DNAH6: variants seen among roughly 807,000 people sequenced by gnomAD.
The protein encoded by DNAH6 is axonemal beta dynein heavy chain 6.
In DNAH6, 340 loss-of-function variants were observed where a neutral mutation model predicts 491.4. That is an observed-to-expected ratio of 0.69 (90% CI 0.63 to 0.76). The LOEUF (loss-of-function observed/expected upper bound fraction) is 0.76, where lower values mean the gene tolerates loss of function less well. Among genes scored for constraint, DNAH6 ranks in the 30% least tolerant of loss-of-function variants. The pLI is 0.00. For missense variants in DNAH6, 4,443 were observed against 4,972.2 expected (o/e 0.89, Z 3.20); for synonymous variants, 1,603 against 1,686.1 (o/e 0.95, Z 1.21).
At chr2:84,774,075 C>G (rs1675894830) in intron 64 of DNAH6, among the ~76,000 whole-genome samples, 1 of 151,864 alleles carries the variant, frequency 6.6e-6, no homozygotes. Context: ...TAATTTGGTC[C>G]CATATATCAA....
rs533477003 is a variant in DNAH6, at chr2:84,525,623, G to A, written c.284G>A (p.Arg95Gln). 3.8e-5 allele frequency: 59 copies of A among 1,550,320 alleles called. No individual in the cohort carries two copies. The South Asian group carries it at 5.5e-4, about 14-fold the overall frequency. ...CCAGAATACATACATGAACAGAACC[G>A]ATTTCAGTTAATGACTGCAGGAATC... is the stretch of plus-strand genomic sequence containing the variant. ...KQPEYIHEQNRFQLMTAGIIK... is the reference protein window; with the variant it reads ...KQPEYIHEQNQFQLMTAGIIK... The change falls in exon 3 of 77, where the codon CGA becomes CAA. Residue 95 changes from arginine to glutamine, a missense_variant. Physicochemically the swap from Arg to Gln is conservative, Grantham distance 43. Transcript: ENST00000389394.
At chr2:84,487,641 TGA>T in the DNAH6 span, among the ~76,000 whole-genome samples, 1 of 152,238 alleles carries the variant, frequency 6.6e-6, no homozygotes, top group Non-Finnish European at 1.5e-5. Flanking sequence ...GGTTAAATCT[TGA>T]GCAGCCCTTG....
chr2:84,551,773 C>T (rs1679392588), intron 9 of DNAH6, among the ~76,000 whole-genome samples: 2 of 152,148 alleles, frequency 1.3e-5, no homozygotes, highest in African/African-American at 2.4e-5. Flanking sequence ...TTAGGCCAGG[C>T]GTGGTGACTC....
intron 22 of DNAH6, among the ~76,000 whole-genome samples, chr2:84,614,132 G>T (rs1040513255): frequency 7.2e-6 from 1 of 139,560 alleles, no homozygotes; most frequent in Non-Finnish European, 1.5e-5. Context: ...CCCACCACCC[G>T]CACAGTGTAC....
chr2:84,579,145 G>A (rs1297326119), intron 13 of DNAH6, among the ~76,000 whole-genome samples: 1 of 152,186 alleles, frequency 6.6e-6, no homozygotes, highest in Non-Finnish European at 1.5e-5. Context: ...CAAGTCATCA[G>A]TCAGACTGCA....
chr2:84,710,466 T>TG, intron 56 of DNAH6, 54 bp downstream of exon 56: 1 of 1,529,348 alleles, frequency 6.5e-7, no homozygotes, highest in Non-Finnish European at 8.9e-7. Flanking sequence ...AAATCATATC[T>TG]GGAATCCTAT....
At chr2:84,639,224 G>A (rs1184452406) in intron 31 of DNAH6, among the ~76,000 whole-genome samples, 1 of 152,054 alleles carries the variant, frequency 6.6e-6, no homozygotes, top group African/African-American at 2.4e-5. Context: ...GACAATAAAT[G>A]ACTTGCTCAT....
intron 22 of DNAH6, among the ~76,000 whole-genome samples, chr2:84,615,029 C>T (rs1237032850): frequency 2.7e-5 from 4 of 147,100 alleles, no homozygotes; most frequent in Admixed American, 2.0e-4. Context: ...AGTTTAAGTC[C>T]CATCTATTTA....
At chr2:84,784,900 A>G in intron 66 of DNAH6, 90 bp downstream of exon 66, 2 of 884,932 alleles carry the variant, frequency 2.3e-6, no homozygotes, top group Non-Finnish European at 3.6e-6. Context: ...CCTGCACAGA[A>G]GCATGTGGAG....
chr2:84,488,752 GGA>G, the DNAH6 span, among the ~76,000 whole-genome samples: 1 of 152,148 alleles, frequency 6.6e-6, no homozygotes, highest in East Asian at 1.9e-4. Flanking sequence ...TGCCATGTAA[GGA>G]GACATATTTA....
intron 41 of DNAH6, among the ~76,000 whole-genome samples, chr2:84,680,484 G>C (rs959111042): frequency 2.0e-5 from 3 of 152,100 alleles, no homozygotes; most frequent in African/African-American, 7.2e-5. Flanking sequence ...TCTCTGGAGA[G>C]ACGGCATGTA....
rs1558786173 is a variant in DNAH6 at position 84,605,553 on chromosome 2, CA to C, written c.3138del (p.Asp1047MetfsTer34). ...EFVILPHRDS[K>X]DVFILGGTDD... is the part of the protein sequence containing the mutation. ...TTGTCATTCTGCCTCACCGTGACTC[CA>C]AAGATGTGTTTATACTGGGCGGCAC... On this transcript the variant is annotated frameshift_variant, in exon 20 of 77. Coordinates refer to ENST00000389394, the MANE Select transcript of DNAH6 (RefSeq NM_001370.2). LOFTEE classifies it high-confidence loss of function. 1 of 1,551,410 alleles carries C rather than the reference CA, an allele frequency of 6.4e-7. No homozygotes were observed. The highest frequency in any genetic ancestry group is 2.0e-5 in the Admixed American group (1 of 50,970).
intron 14 of DNAH6, among the ~76,000 whole-genome samples, chr2:84,581,194 A>T (rs1035060291): frequency 5.3e-5 from 8 of 152,244 alleles, no homozygotes; most frequent in Non-Finnish European, 1.2e-4. Context: ...GCAGAGGGTC[A>T]GCTGCTATCA....
At chr2:84,670,621 G>C in intron 39 of DNAH6, 146 bp downstream of exon 39, 1 of 650,980 alleles carries the variant, frequency 1.5e-6, no homozygotes, top group Non-Finnish European at 2.5e-6. Flanking sequence ...GCATTTTTAT[G>C]CTAGCTATGT....
chr2:84,789,625 C>G (rs1295290049), intron 68 of DNAH6, among the ~76,000 whole-genome samples: 1 of 152,200 alleles, frequency 6.6e-6, no homozygotes, highest in Non-Finnish European at 1.5e-5. Flanking sequence ...CATTTTGCAT[C>G]TTGACTTTCT....
chr2:84,508,154 C>T, the DNAH6 span, among the ~76,000 whole-genome samples: 2 of 152,322 alleles, frequency 1.3e-5, no homozygotes, highest in African/African-American at 4.8e-5. Context: ...ACCAGCTCCT[C>T]CTTGTACCTC....
In DNAH6 at chr2:84,722,751, A is replaced by G; in HGVS notation, c.9919A>G (p.Ser3307Gly). 1 of 1,537,818 alleles carries G rather than the reference A, an allele frequency of 6.5e-7. No homozygotes were observed. Among genetic ancestry groups the G allele is most frequent in the Non-Finnish European group, 8.7e-7 (1 of 1,142,954 alleles). The change falls in exon 60 of 77, where the codon AGC becomes GGC. Residue 3307 changes from serine (S) to glycine (G), a missense_variant. Transcript: ENST00000389394. ...QGSVMYFVIA[S>G]LSEIDPMYQY... The stretch of plus-strand genomic sequence containing the variant: ...CTCTGTAATGTACTTTGTCATTGCA[A>G]GCCTCTCAGAAATAGATCCTATGTA...
rs757113327 is a variant in DNAH6 at position 84,707,691 on chromosome 2, C to T, written c.9023C>T (p.Ala3008Val). 3 of 1,552,240 alleles carry T rather than the reference C, an allele frequency of 1.9e-6. No homozygotes were observed. Among genetic ancestry groups the T allele is most frequent in the Non-Finnish European group, 2.6e-6 (3 of 1,147,072 alleles). The change falls in exon 54 of 77, where the codon GCT becomes GTT. Residue 3008 changes from alanine (A) to valine (V), a missense_variant. By Grantham distance (64) the Ala-to-Val change is moderately conservative. Around this residue, in one of 3 missense-constraint regions of DNAH6, gnomAD observed 1,463 missense variants for 1,656.6 expected, o/e 0.88. Coordinates refer to ENST00000389394, the MANE Select transcript of DNAH6 (RefSeq NM_001370.2). The part of the protein sequence containing the change: ...IAAACVAYYG[A>V]FTAQYRQSLI... ...GCAGCTTGTGTGGCCTACTATGGGG[C>T]TTTCACAGCCCAGTACAGGCAGTCA...
intron 60 of DNAH6, among the ~76,000 whole-genome samples, chr2:84,726,443 T>C (rs1188227776): frequency 1.3e-5 from 2 of 152,182 alleles, no homozygotes; most frequent in African/African-American, 2.4e-5. Context: ...TCTGCTCAGC[T>C]TCCTCACGCA....
Sources: gnomAD v4.1 joint callset for allele counts (sites outside exome capture counted in the v4.1 genomes callset) on GRCh38, gnomAD v4.1.1 for gene constraint, gnomAD v4.1.1 regional missense constraint, MANE v1.5 for transcripts, NCBI Gene and HGNC (gene_info 2026-07-23, HGNC 2026-07-21) for gene names.